Variants in DNAL1 observed in about 807,000 individuals in gnomAD.
DNAL1 encodes the protein dynein axonemal light chain 1.
A neutral mutation model predicts 29.4 loss-of-function variants in DNAL1; 17 were observed. The ratio of observed to expected loss-of-function variants is 0.58; its 90% CI spans 0.40 to 0.87. DNAL1 has a LOEUF of 0.87. Ranked by LOEUF, DNAL1 falls within the 40% of genes least tolerant of loss-of-function variation. The pLI is 0.00. For synonymous variants in DNAL1, 78 were observed against 76.3 expected, an observed-to-expected ratio of 1.02 and a Z score of -0.12; for missense variants, 188 against 214.1, an observed-to-expected ratio of 0.88 and a Z score of 0.76.
At chr14:73,677,559 TTTA>T (rs1367136867) in intron 5 of DNAL1, among the ~76,000 whole-genome samples, 25 of 149,472 alleles carry the variant, frequency 1.7e-4, no homozygotes, top group African/African-American at 3.9e-4. Flanking sequence ...TATTTATTTA[TTTA>T]TTTATTTTTT....
chr14:73,689,450 A>T lies in DNAL1; in HGVS notation c.467A>T (p.His156Leu). ...GTAGGCAATCCCTTGGAAGAGAAAC[A>T]TTCTGCTGAGAATAACTGGATTGAA... Reference protein sequence around the residue: ...VFVGNPLEEKHSAENNWIEEA... With the variant: ...VFVGNPLEEKLSAENNWIEEA... Residue 156 changes from histidine (H) to leucine (L), a missense_variant, in exon 7 of 8, where the codon CAT (histidine) becomes CTT (leucine). Transcript: ENST00000553645. 6.4e-7 allele frequency: 1 copy of T among 1,567,486 alleles called. No individual in the cohort carries two copies. The highest frequency in any genetic ancestry group is 2.3e-5 in the East Asian group (1 of 42,594).
chr14:73,690,963 T>C (rs780319857), intron 7 of DNAL1, among the ~76,000 whole-genome samples: 44 of 152,138 alleles, frequency 2.9e-4, no homozygotes, highest in Non-Finnish European at 5.1e-4. Flanking sequence ...CAGTCTTAGT[T>C]TCCCAATATC....
At chr14:73,695,248 G>A (rs538029831) in intron 7 of DNAL1, among the ~76,000 whole-genome samples, 2 of 151,294 alleles carry the variant, frequency 1.3e-5, no homozygotes, top group Admixed American at 6.6e-5. Flanking sequence ...TGTAGAGATG[G>A]GGTCTTGCTA....
intron 5 of DNAL1, among the ~76,000 whole-genome samples, chr14:73,679,099 C>T (rs1034967896): frequency 5.9e-5 from 9 of 152,092 alleles, no homozygotes; most frequent in African/African-American, 2.2e-4. Context: ...CGGGTTCAAG[C>T]GATTCTCCTG....
intron 7 of DNAL1, among the ~76,000 whole-genome samples, chr14:73,690,037 C>CAAAA (rs569314573): frequency 1.3e-3 from 42 of 33,216 alleles, no homozygotes; most frequent in Non-Finnish European, 2.2e-3. Context: ...AATTCCGTCT[C>CAAAA]AAAAAAAAAA....
intron 7 of DNAL1, among the ~76,000 whole-genome samples, chr14:73,690,584 G>A (rs1390558262): frequency 2.6e-5 from 4 of 151,816 alleles, no homozygotes; most frequent in Middle Eastern, 3.4e-3. Flanking sequence ...TCCGGGAGGC[G>A]GAGGTTGTGG....
Position 73,698,388 on chromosome 14 carries a change from T to C in DNAL1, c.*2446T>C, listed in dbSNP as rs1892350817. 1 of 152,234 alleles carries C rather than the reference T, an allele frequency of 6.6e-6. No individual in the cohort carries two copies. The highest frequency in any genetic ancestry group is 2.4e-5 in the African/African-American group (1 of 41,468). The allele number at this position is 152,234 out of a possible 1,614,324, so 9.4% of individuals were successfully genotyped here. ...TAAATTATCCTTTACTGCTGCAAAT[T>C]TAGCTGATAAAACTGCCTTTGGTTT... On this transcript the variant is annotated 3_prime_UTR_variant, in exon 8 of 8. Transcript: ENST00000553645.
intron 5 of DNAL1, among the ~76,000 whole-genome samples, chr14:73,683,047 T>C (rs1423331770): frequency 6.6e-6 from 1 of 151,960 alleles, no homozygotes; most frequent in African/African-American, 2.4e-5. Context: ...CAGCTAATGT[T>C]GTATTTTTAG....
At position 73,665,747 on chromosome 14, in the gene DNAL1, C is replaced by T. The variant is rs369555251; in HGVS notation, c.208+3705C>T. On this transcript the variant is annotated intron_variant, in intron 4 of 7. Transcript: ENST00000553645. The stretch of plus-strand genomic sequence containing the variant: ...CGGAGGTTGCAGTGAGCTGAGATCA[C>T]GCTACTGTACTCCAGCCTGGGTGAC... 5.4e-4 allele frequency among the ~76,000 whole-genome samples: 82 copies of T among 150,886 alleles called. 1 individual carries two copies. In the South Asian group the frequency reaches 0.016, roughly 29 times the overall value.
chr14:73,690,263 G>A (rs1194015756), intron 7 of DNAL1, among the ~76,000 whole-genome samples: 1 of 151,912 alleles, frequency 6.6e-6, no homozygotes, highest in Non-Finnish European at 1.5e-5. Context: ...TGCTATGTTG[G>A]ATTAAAGCTG....
At chr14:73,666,784 A>G (rs544732012) in intron 4 of DNAL1, among the ~76,000 whole-genome samples, 1 of 152,272 alleles carries the variant, frequency 6.6e-6, no homozygotes, top group African/African-American at 2.4e-5. Context: ...TTGATGAATC[A>G]GCGTATTTTT....
chr14:73,651,936 C>T (rs565856399), intron 1 of DNAL1, among the ~76,000 whole-genome samples: 6 of 152,114 alleles, frequency 3.9e-5, no homozygotes, highest in South Asian at 2.1e-4. Context: ...GGATTACAGG[C>T]GTGAGCCACT....
chr14:73,648,403 C>CATATATATATATATATATATATAT lies in DNAL1; in HGVS notation c.3+3375_3+3376insATATATATATATATATATATATAT, dbSNP rs149075024. On this transcript the variant is annotated intron_variant, in intron 1 of 7. Transcript: ENST00000553645. ...CTCGATGTGTTATAACACCTCATTT[C>CATATATATATATATATATATATAT]ATATATATATATATTTGTTGTTTGT... Among the ~76,000 whole-genome samples, 622 of 86,660 alleles carry CATATATATATATATATATATATAT rather than the reference C, an allele frequency of 7.2e-3. 74 individuals carry two copies. Among genetic ancestry groups the CATATATATATATATATATATATAT allele is most frequent in the African/African-American group, 0.023 (372 of 15,974 alleles). The allele number at this position is 86,660 out of a possible 152,430, so 56.9% of individuals were successfully genotyped here. A position where few individuals can be genotyped will look rare whatever the true frequency, so the allele number is the denominator to read the frequency against.
intron 7 of DNAL1, among the ~76,000 whole-genome samples, chr14:73,690,058 AAAAG>A: frequency 6.6e-6 from 1 of 151,362 alleles, no homozygotes. Context: ...AAAAGAAAAG[AAAAG>A]AAAGCTAGGC....
At chr14:73,670,409 T>A (rs1412071356) in intron 4 of DNAL1, among the ~76,000 whole-genome samples, 3 of 152,198 alleles carry the variant, frequency 2.0e-5, no homozygotes, top group African/African-American at 7.2e-5. Context: ...ACAAAGAAGT[T>A]ATAGATGTTT....
intron 2 of DNAL1, among the ~76,000 whole-genome samples, chr14:73,657,597 T>C (rs1595203827): frequency 6.6e-6 from 1 of 152,226 alleles, no homozygotes; most frequent in African/African-American, 2.4e-5. Context: ...TGCAGAAGTT[T>C]TATTTTTACA....
chr14:73,654,637 T>C (rs1475659474), intron 1 of DNAL1, among the ~76,000 whole-genome samples: 1 of 152,094 alleles, frequency 6.6e-6, no homozygotes, highest in East Asian at 1.9e-4. Flanking sequence ...CGCGCACCTG[T>C]AGTCCCAGCT....
At chr14:73,655,094 A>C (rs545831579) in intron 2 of DNAL1, among the ~76,000 whole-genome samples, 76 of 152,252 alleles carry the variant, frequency 5.0e-4, no homozygotes, top group African/African-American at 1.8e-3. Flanking sequence ...CATGCACATG[A>C]GCACAAGCAA....
In DNAL1 at chr14:73,696,120, G is replaced by T. The variant is rs545783627; in HGVS notation, c.*178G>T. 1.3e-5 allele frequency: 8 copies of T among 607,114 alleles called. No homozygotes were observed. The African/African-American group carries it at 1.3e-4, about 10-fold the overall frequency. The allele number at this position is 607,114 out of a possible 1,614,324, so 37.6% of individuals were successfully genotyped here. On this transcript the variant is annotated 3_prime_UTR_variant, in exon 8 of 8. Coordinates refer to ENST00000553645, the MANE Select transcript of DNAL1 (RefSeq NM_031427.4). ...TTATTCAGTGTTTCTCCCCAAAACT[G>T]GTAATGCCAACCTTATATATCCTAT...
Sources: allele counts gnomAD v4.1 joint callset (sites outside exome capture counted in the v4.1 genomes callset), GRCh38; gene constraint gnomAD v4.1.1; transcripts MANE v1.5; gene names NCBI Gene and HGNC (gene_info 2026-07-23, HGNC 2026-07-21).